Variants in AGT observed in about 807,000 individuals in gnomAD.
The protein encoded by AGT is angiotensinogen.
Under a neutral mutation model 28.1 loss-of-function variants are expected in AGT, and 26 were observed. The observed-to-expected ratio is 0.92, with a 90% CI of 0.68 to 1.28. AGT has a LOEUF of 1.28. Among genes scored for constraint, AGT ranks in the 50% most tolerant of loss-of-function variants. The pLI is 0.00. For missense variants in AGT, 596 were observed against 592.3 expected (o/e 1.01, Z -0.06); for synonymous variants, 259 against 259.6 (o/e 1.00, Z 0.02).
intron 1 of AGT, among the ~76,000 whole-genome samples, chr1:230,740,425 C>T (rs1664227670): frequency 6.6e-6 from 1 of 152,126 alleles, no homozygotes; most frequent in Non-Finnish European, 1.5e-5. Context: ...CTTATTTTAC[C>T]CAACCCCTAT....
chr1:230,717,032 A>G (rs1663750702), upstream of AGT, among the ~76,000 whole-genome samples: 1 of 145,520 alleles, frequency 6.9e-6, no homozygotes, highest in African/African-American at 2.5e-5. Context: ...GTTAATTTGT[A>G]GCTTTGCCCC....
rs1032214943 is a variant in AGT, at chr1:230,703,047, G to A, written c.*94C>T. 1.9e-5 allele frequency: 26 copies of A among 1,383,442 alleles called. No homozygotes were observed. Among genetic ancestry groups the A allele is most frequent in the Admixed American group, 1.8e-4 (9 of 50,794 alleles). The allele number at this position is 1,383,442 out of a possible 1,614,324, so 85.7% of individuals were successfully genotyped here. ...GGTGGGAGACTGGGGGTGACACATC[G>A]CTGATTTGTCCGGGGTTGTTATCTG... is the stretch of plus-strand genomic sequence containing the variant. On this transcript the variant is annotated 3_prime_UTR_variant, in exon 5 of 5. Transcript: ENST00000366667.
At chr1:230,716,738 C>A (rs1348273484), upstream of AGT, among the ~76,000 whole-genome samples, 2 of 152,128 alleles carry the variant, frequency 1.3e-5, no homozygotes, top group African/African-American at 2.4e-5. Context: ...CCACGTGGAA[C>A]ACATAAGTCC....
At chr1:230,706,872 G>A (rs1301350197) in intron 2 of AGT, among the ~76,000 whole-genome samples, 1 of 152,134 alleles carries the variant, frequency 6.6e-6, no homozygotes, top group African/African-American at 2.4e-5. Flanking sequence ...ACCACTCCTA[G>A]AGGCCCCTGC....
At chr1:230,715,388 C>T (rs61756113), upstream of AGT, among the ~76,000 whole-genome samples, 150 of 152,214 alleles carry the variant, frequency 9.9e-4, 1 homozygote, top group African/African-American at 3.5e-3. Context: ...ACAGAACATT[C>T]GGGCCAGGTA....
upstream of AGT, among the ~76,000 whole-genome samples, chr1:230,717,522 T>C (rs1189190846): frequency 6.6e-6 from 1 of 152,178 alleles, no homozygotes; most frequent in Non-Finnish European, 1.5e-5. Context: ...GGGTTTCCAT[T>C]TTTTGCCTCT....
At chr1:230,718,848 C>T (rs1450617312), upstream of AGT, among the ~76,000 whole-genome samples, 1 of 151,666 alleles carries the variant, frequency 6.6e-6, no homozygotes, top group Non-Finnish European at 1.5e-5. Flanking sequence ...ACCTCTGCCT[C>T]CCTGGTAGTT....
At chr1:230,743,869 A>G (rs945952511) in intron 1 of AGT, among the ~76,000 whole-genome samples, 3 of 152,234 alleles carry the variant, frequency 2.0e-5, no homozygotes, top group Non-Finnish European at 4.4e-5. Context: ...AGAGAAACAA[A>G]GGGAGTTCGC....
At chr1:230,709,788 C>T (rs181999958) in intron 2 of AGT, among the ~76,000 whole-genome samples, 6 of 152,298 alleles carry the variant, frequency 3.9e-5, no homozygotes, top group South Asian at 4.1e-4. Flanking sequence ...GTTGTATAGT[C>T]GTGCACATAG....
rs1664159445 is a variant in AGT at position 230,736,441 on chromosome 1, C to T, written c.-31+9074G>A. On this transcript the variant is annotated intron_variant, in intron 1 of 4. Coordinates refer to the AGT transcript ENST00000681269. ...GGCTGAGGCAGGAGAATGGCGTGAA[C>T]CCAGGAGGCAGAGCTTGCAGTGAGT... is the stretch of plus-strand genomic sequence containing the variant. Among the ~76,000 whole-genome samples, 5 of 152,244 alleles carry T rather than the reference C, an allele frequency of 3.3e-5. No homozygotes were observed. The South Asian group carries it at 1.0e-3, about 32-fold the overall frequency.
intron 2 of AGT, 58 bp from the exon 3 acceptor site, chr1:230,706,258 A>G: frequency 6.3e-7 from 1 of 1,581,612 alleles, no homozygotes; most frequent in Non-Finnish European, 8.6e-7. Context: ...GGCAGGAATG[A>G]GGGCTGGCAG....
upstream of AGT, among the ~76,000 whole-genome samples, chr1:230,718,335 T>C (rs527661547): frequency 1.4e-3 from 215 of 152,274 alleles, 1 homozygote; most frequent in African/African-American, 5.0e-3. Flanking sequence ...ATGATTATGG[T>C]AGTCAAGAAA....
At chr1:230,716,669 A>G (rs895959511), upstream of AGT, among the ~76,000 whole-genome samples, 1 of 152,216 alleles carries the variant, frequency 6.6e-6, no homozygotes, top group Non-Finnish European at 1.5e-5. Context: ...GCCAGCCACC[A>G]TGTAAGATGT....
At chr1:230,721,949 A>C (rs1306314043) in intron 1 of AGT, among the ~76,000 whole-genome samples, 1 of 152,250 alleles carries the variant, frequency 6.6e-6, no homozygotes, top group Non-Finnish European at 1.5e-5. Context: ...TGAGAAGCCA[A>C]ATGTTAATCA....
chr1:230,718,297 CATG>C (rs1034423302), upstream of AGT, among the ~76,000 whole-genome samples: 3 of 151,988 alleles, frequency 2.0e-5, no homozygotes, highest in Non-Finnish European at 4.4e-5. Flanking sequence ...AGGTGTACAG[CATG>C]ATATTTTGAT....
intron 1 of AGT, among the ~76,000 whole-genome samples, chr1:230,737,605 C>A (rs1664179221): frequency 6.6e-6 from 1 of 152,142 alleles, no homozygotes; most frequent in Non-Finnish European, 1.5e-5. Flanking sequence ...AGCCACTGCG[C>A]CCAGCCTGTT....
intron 2 of AGT, 93 bp from the exon 3 acceptor site, chr1:230,706,293 C>T: frequency 7.1e-7 from 1 of 1,414,186 alleles, no homozygotes; most frequent in East Asian, 2.4e-5. Context: ...GATCCTGCCC[C>T]TCGCCCTGCC....
chr1:230,705,270 A>G (rs1487693213), intron 3 of AGT, among the ~76,000 whole-genome samples: 1 of 151,742 alleles, frequency 6.6e-6, no homozygotes, highest in Admixed American at 6.5e-5. Flanking sequence ...ATATTTTACC[A>G]TCACAATTTT....
At position 230,710,050 on chromosome 1, in the gene AGT, C is replaced by T. The variant is rs1183886380; in HGVS notation, c.774G>A (p.Leu258=). ...GGGTGCTGTCCACACTGGCTCCCAT[C>T]AGGGAGCAGCCAGTCTTCCATCCTG... The part of the protein sequence containing the change: ...AVTGWKTGCS[L]MGASVDSTLA... Residue 258 remains leucine (L), a synonymous_variant, in exon 2 of 5, where the codon CTG becomes CTA. Coordinates refer to ENST00000366667, the MANE Select transcript of AGT (RefSeq NM_001384479.1). The T allele has an allele frequency of 1.2e-6, 2 of 1,614,096 alleles. No homozygotes were observed. The highest frequency in any genetic ancestry group is 4.5e-5 in the East Asian group (2 of 44,872).
Sources: gnomAD v4.1 joint callset for allele counts (sites outside exome capture counted in the v4.1 genomes callset) on GRCh38, gnomAD v4.1.1 for gene constraint, MANE v1.5 for transcripts, NCBI Gene and HGNC (gene_info 2026-07-23, HGNC 2026-07-21) for gene names.